Variants in MARCHF4 observed in about 807,000 individuals in gnomAD.
MARCHF4 encodes E3 ubiquitin-protein ligase MARCHF4.
MARCHF4 carries 14 observed loss-of-function variants against 43.9 expected under a neutral mutation model. That is an observed-to-expected ratio of 0.32 (90% CI 0.21 to 0.50). The LOEUF (loss-of-function observed/expected upper bound fraction) is 0.50, where lower values mean the gene tolerates loss of function less well. Among genes scored for constraint, MARCHF4 ranks in the 20% least tolerant of loss-of-function variants. The pLI is 0.98. For missense variants in MARCHF4, 468 were observed against 536.7 expected, an observed-to-expected ratio of 0.87 and a Z score of 1.27; for synonymous variants, 226 against 213.3, an observed-to-expected ratio of 1.06 and a Z score of -0.52.
chr2:216,285,292 C>T (rs1307957727), intron 1 of MARCHF4, among the ~76,000 whole-genome samples: 7 of 152,118 alleles, frequency 4.6e-5, no homozygotes, highest in South Asian at 4.1e-4. Flanking sequence ...TCTGTATTTG[C>T]GCAATAAATG....
intron 1 of MARCHF4, among the ~76,000 whole-genome samples, chr2:216,348,607 T>C (rs1057447781): frequency 6.6e-6 from 1 of 152,272 alleles, no homozygotes; most frequent in East Asian, 1.9e-4. Context: ...TAGTATATCA[T>C]CAAGAAATAA....
chr2:216,293,987 T>A (rs1412930881), intron 1 of MARCHF4, among the ~76,000 whole-genome samples: 9,598 of 100,150 alleles, frequency 0.096, 2,157 homozygotes, highest in Non-Finnish European at 0.17. Flanking sequence ...ACCATCACCA[T>A]TGTTACCAAA....
chr2:216,349,639 G>A (rs1469031666), intron 1 of MARCHF4, among the ~76,000 whole-genome samples: 1 of 152,162 alleles, frequency 6.6e-6, no homozygotes, highest in Non-Finnish European at 1.5e-5. Flanking sequence ...TTGGAATGGT[G>A]ATGGAAAAGA....
At position 216,355,035 on chromosome 2, in the gene MARCHF4, G is replaced by A. The variant is rs558248619; in HGVS notation, c.516+14710C>T. Among the ~76,000 whole-genome samples, 11 of 149,362 alleles carry A rather than the reference G, an allele frequency of 7.4e-5. No homozygotes were observed. The South Asian group carries it at 2.1e-3, about 29-fold the overall frequency. ...CACCCAGGCTAGAGTGCAGTGGTGCGATCTTGGCTCACTGCAACCTCCACC... is the reference window on the plus strand; with the variant it reads ...CACCCAGGCTAGAGTGCAGTGGTGCAATCTTGGCTCACTGCAACCTCCACC... On this transcript the variant is annotated intron_variant, in intron 1 of 3. Transcript: ENST00000273067.
intron 2 of MARCHF4, among the ~76,000 whole-genome samples, chr2:216,280,615 A>G (rs1691112113): frequency 6.6e-6 from 1 of 152,194 alleles, no homozygotes; most frequent in Non-Finnish European, 1.5e-5. Context: ...TCAGCCTGTC[A>G]AGGAGGGGAT....
At chr2:216,335,929 A>G (rs1461522503) in intron 1 of MARCHF4, among the ~76,000 whole-genome samples, 2 of 151,904 alleles carry the variant, frequency 1.3e-5, no homozygotes, top group African/African-American at 4.8e-5. Context: ...TTAGCTGGGC[A>G]TGGTGGCACA....
At chr2:216,277,091 CTG>C (rs955859676) in intron 3 of MARCHF4, among the ~76,000 whole-genome samples, 2 of 152,188 alleles carry the variant, frequency 1.3e-5, no homozygotes, top group Non-Finnish European at 1.5e-5. Flanking sequence ...TGAAGCCTCT[CTG>C]TGCGGCATTC....
chr2:216,269,503 G>A (rs1690898361), intron 3 of MARCHF4, among the ~76,000 whole-genome samples: 1 of 152,192 alleles, frequency 6.6e-6, no homozygotes. Context: ...AATAAGAGCA[G>A]ACTTTTAATG....
intron 1 of MARCHF4, among the ~76,000 whole-genome samples, chr2:216,286,800 G>GAC: frequency 6.6e-6 from 1 of 152,326 alleles, no homozygotes; most frequent in East Asian, 1.9e-4. Flanking sequence ...CTACTGGTCA[G>GAC]ACCTGTATGT....
At chr2:216,284,216 T>C (rs1691182360) in intron 1 of MARCHF4, among the ~76,000 whole-genome samples, 1 of 151,938 alleles carries the variant, frequency 6.6e-6, no homozygotes, top group African/African-American at 2.4e-5. Context: ...CCAGTGTAGA[T>C]GTGGGGATCT....
rs535295857 is a variant in MARCHF4 at position 216,271,117 on chromosome 2, G to A, written c.865+6555C>T. Among the ~76,000 whole-genome samples the A allele has an allele frequency of 5.9e-5, 9 of 152,276 alleles. 1 individual carries two copies. The highest frequency in any genetic ancestry group is 5.8e-4 in the East Asian group (3 of 5,188). The stretch of plus-strand genomic sequence containing the variant: ...TCAATGCCTCCCCACCACCAGTGGG[G>A]TCAAATCTGAGTGGCTTAGCATATG... On this transcript the variant is annotated intron_variant, in intron 3 of 3. Transcript: ENST00000273067.
intron 1 of MARCHF4, among the ~76,000 whole-genome samples, chr2:216,300,609 G>T (rs1374464729): frequency 6.6e-6 from 1 of 152,012 alleles, no homozygotes; most frequent in Non-Finnish European, 1.5e-5. Flanking sequence ...ACCTCGCAAA[G>T]TATTGGGATT....
At chr2:216,304,713 G>A (rs1405142393) in intron 1 of MARCHF4, among the ~76,000 whole-genome samples, 1 of 152,102 alleles carries the variant, frequency 6.6e-6, no homozygotes, top group Non-Finnish European at 1.5e-5. Context: ...ACATTCATAG[G>A]GAGGCTGAGG....
At chr2:216,333,846 G>T (rs1179900734) in intron 1 of MARCHF4, among the ~76,000 whole-genome samples, 1 of 152,132 alleles carries the variant, frequency 6.6e-6, no homozygotes, top group Admixed American at 6.5e-5. Flanking sequence ...CCACAGCCTG[G>T]AGCCACCGTG....
At chr2:216,314,721 A>G (rs1204886256) in intron 1 of MARCHF4, among the ~76,000 whole-genome samples, 1 of 152,214 alleles carries the variant, frequency 6.6e-6, no homozygotes, top group Non-Finnish European at 1.5e-5. Flanking sequence ...TTATGTAACC[A>G]GGAAAGACTT....
At chr2:216,296,036 C>T (rs1360020844) in intron 1 of MARCHF4, among the ~76,000 whole-genome samples, 3 of 152,180 alleles carry the variant, frequency 2.0e-5, no homozygotes, top group African/African-American at 7.2e-5. Flanking sequence ...ATCCCAGCTA[C>T]TAGGGGGGTT....
intron 1 of MARCHF4, among the ~76,000 whole-genome samples, chr2:216,288,658 A>T (rs1691257797): frequency 6.6e-6 from 1 of 152,006 alleles, no homozygotes; most frequent in African/African-American, 2.4e-5. Context: ...GGCCTCTTGC[A>T]TGGGTTAAGT....
At chr2:216,346,191 C>A (rs1193744335) in intron 1 of MARCHF4, among the ~76,000 whole-genome samples, 2 of 152,142 alleles carry the variant, frequency 1.3e-5, no homozygotes, top group African/African-American at 2.4e-5. Flanking sequence ...CAGTTCTGGG[C>A]AAACTAGAAT....
intron 1 of MARCHF4, among the ~76,000 whole-genome samples, chr2:216,340,949 C>T (rs190055789): frequency 2.4e-4 from 37 of 152,240 alleles, no homozygotes; most frequent in Non-Finnish European, 4.1e-4. Context: ...AGACTCACAC[C>T]GAAGCCCCCT....
Sources: gnomAD v4.1 joint callset for allele counts (sites outside exome capture counted in the v4.1 genomes callset) on GRCh38, gnomAD v4.1.1 for gene constraint, MANE v1.5 for transcripts, NCBI Gene and HGNC (gene_info 2026-07-23, HGNC 2026-07-21) for gene names.